The following RPAP3 variants were observed in gnomAD, a reference collection of about 807,000 sequenced individuals.
The protein encoded by RPAP3 is RNA polymerase II associated protein 3.
RPAP3 carries 58 observed loss-of-function variants against 88.8 expected under a neutral mutation model. The observed-to-expected ratio is 0.65, with a 90% CI of 0.53 to 0.81. The LOEUF is 0.81. Ranked by LOEUF, RPAP3 falls within the 40% of genes least tolerant of loss-of-function variation. The pLI is 0.00. For missense variants in RPAP3, 751 were observed against 764.3 expected, an observed-to-expected ratio of 0.98 and a Z score of 0.20; for synonymous variants, 255 against 259.9, an observed-to-expected ratio of 0.98 and a Z score of 0.18.
At chr12:47,682,560 G>C (rs558985696) in intron 9 of RPAP3, among the ~76,000 whole-genome samples, 1 of 151,700 alleles carries the variant, frequency 6.6e-6, no homozygotes, top group Non-Finnish European at 1.5e-5. Flanking sequence ...ACAATAATTC[G>C]GGGGGAAAAT....
rs553154689 is a variant in RPAP3, at chr12:47,702,673, G to A, written c.153+15C>T. 8 of 1,515,642 alleles carry A rather than the reference G, an allele frequency of 5.3e-6. No homozygotes were observed. The highest frequency in any genetic ancestry group is 2.4e-5 in the East Asian group (1 of 41,648). 93.9% of individuals were successfully genotyped at this position (1,515,642 alleles called of 1,614,324 possible). ...ATTAGTTTTGGTGGATCTTAATTAC[G>A]AATTCTTAATTTACCTCTTCAGGAA... is the stretch of plus-strand genomic sequence containing the variant. On this transcript the variant is annotated intron_variant, in intron 2 of 16. Coordinates refer to ENST00000005386, the MANE Select transcript of RPAP3 (RefSeq NM_024604.3).
intron 2 of RPAP3, among the ~76,000 whole-genome samples, chr12:47,702,418 G>A (rs1939672957): frequency 6.6e-6 from 1 of 151,954 alleles, no homozygotes; most frequent in Admixed American, 6.5e-5. Context: ...GCTGGGCGTG[G>A]TGGTGCACGC....
intron 16 of RPAP3, among the ~76,000 whole-genome samples, chr12:47,666,544 C>T (rs1363922938): frequency 6.6e-6 from 1 of 152,208 alleles, no homozygotes. Flanking sequence ...CGCCCAGTTA[C>T]ATGGTCCTGT....
rs149293092 is a variant in RPAP3, at chr12:47,670,311, C to T, written c.1322G>A (p.Gly441Asp). 1.9e-6 allele frequency: 3 copies of T among 1,609,270 alleles called. No individual in the cohort carries two copies. The highest frequency in any genetic ancestry group is 1.3e-5 in the African/African-American group (1 of 74,954). The change falls in exon 13 of 17, where the codon GGT becomes GAT. Residue 441 changes from glycine (G) to aspartate (D), a missense_variant. Coordinates refer to ENST00000005386, the MANE Select transcript of RPAP3 (RefSeq NM_024604.3). ...PLKKVIIEET[G>D]NLIQTIDVPD... The stretch of plus-strand genomic sequence containing the variant: ...CACATCAATAGTCTGTATCAAATTA[C>T]CAGTTTCTTCAATAATAACCTTCTT...
intron 1 of RPAP3, among the ~76,000 whole-genome samples, chr12:47,703,543 A>G (rs1358083771): frequency 6.6e-6 from 1 of 152,182 alleles, no homozygotes; most frequent in Non-Finnish European, 1.5e-5. Context: ...TCAGAGGTAC[A>G]TACAGATGCT....
At chr12:47,702,583 G>T (rs1183830847) in intron 2 of RPAP3, 105 bp downstream of exon 2, 2 of 943,480 alleles carry the variant, frequency 2.1e-6, no homozygotes, top group Non-Finnish European at 3.1e-6. Flanking sequence ...TGACAGTGAA[G>T]CAAGTCACTT....
At chr12:47,677,801 T>G (rs938185227) in intron 12 of RPAP3, among the ~76,000 whole-genome samples, 1 of 152,102 alleles carries the variant, frequency 6.6e-6, no homozygotes, top group Non-Finnish European at 1.5e-5. Context: ...GAATCAATAT[T>G]GTGAAAATGG....
intron 2 of RPAP3, among the ~76,000 whole-genome samples, chr12:47,701,912 T>A (rs1300588847): frequency 6.6e-6 from 1 of 152,214 alleles, no homozygotes; most frequent in Non-Finnish European, 1.5e-5. Flanking sequence ...CTTAGTACGA[T>A]GAACCAGCAG....
chr12:47,673,872 CAGAAAAGAACAGTA>C (rs1457455226), intron 12 of RPAP3, among the ~76,000 whole-genome samples: 1 of 151,808 alleles, frequency 6.6e-6, no homozygotes, highest in Non-Finnish European at 1.5e-5. Flanking sequence ...ATCCCAACTT[CAGAAAAGAACAGTA>C]ATAAAAATAC....
Position 47,685,196 on chromosome 12 carries a change from T to C in RPAP3, c.992+1584A>G, listed in dbSNP as rs548971708. ...GAGTTTGAGACCAGCCTGGCCAACA[T>C]GGCAAAACCCCATCTCTACTAAAAA... On this transcript the variant is annotated intron_variant, in intron 9 of 16. Coordinates refer to ENST00000005386, the MANE Select transcript of RPAP3 (RefSeq NM_024604.3). 5.3e-5 allele frequency among the ~76,000 whole-genome samples: 8 copies of C among 152,218 alleles called. No homozygotes were observed. In the East Asian group the frequency reaches 1.5e-3, roughly 29 times the overall value.
chr12:47,686,197 T>C (rs1592478839), intron 9 of RPAP3, among the ~76,000 whole-genome samples: 1 of 152,188 alleles, frequency 6.6e-6, no homozygotes, highest in Non-Finnish European at 1.5e-5. Flanking sequence ...CGGATATAAT[T>C]CTACTGATTG....
At chr12:47,691,105 G>T (rs1386432777) in intron 5 of RPAP3, among the ~76,000 whole-genome samples, 1 of 152,020 alleles carries the variant, frequency 6.6e-6, no homozygotes, top group Non-Finnish European at 1.5e-5. Flanking sequence ...GGTGGTGGTA[G>T]CATGTGATGC....
intron 3 of RPAP3, chr12:47,699,991 CT>C (rs34436877): frequency 0.047 from 5,579 of 119,286 alleles, 62 homozygotes; most frequent in Middle Eastern, 0.097. Flanking sequence ...TGGAAATGTT[CT>C]TTTTTTTTTT....
At chr12:47,696,821 G>A (rs184371419) in intron 4 of RPAP3, among the ~76,000 whole-genome samples, 17 of 152,240 alleles carry the variant, frequency 1.1e-4, no homozygotes, top group African/African-American at 4.1e-4. Context: ...TCAACTATTT[G>A]TATTATCCAT....
At chr12:47,697,486 A>T in intron 4 of RPAP3, 111 bp downstream of exon 4, 1 of 1,009,390 alleles carries the variant, frequency 9.9e-7, no homozygotes, top group Non-Finnish European at 1.4e-6. Flanking sequence ...AGCCAAAAAC[A>T]ACATAAAGTT....
chr12:47,679,506 T>G lies in RPAP3; in HGVS notation c.1274A>C (p.His425Pro). 1 of 1,597,848 alleles carries G rather than the reference T, an allele frequency of 6.3e-7. No individual in the cohort carries two copies. Among genetic ancestry groups the G allele is most frequent in the African/African-American group, 1.3e-5 (1 of 74,836 alleles). ...NVVKPIDNPPHPGSTKPLKKV... is the reference protein window; with the variant it reads ...NVVKPIDNPPPPGSTKPLKKV... ...TGCTTTACTTACAGTTGATCCAGGA[T>G]GCGGTGGATTATCAATGGGTTTTAC... Residue 425 changes from histidine to proline, a missense_variant, in exon 12 of 17, where the codon CAT becomes CCT. By Grantham distance (77) the His-to-Pro change is moderately conservative. Transcript: ENST00000005386.
At chr12:47,703,346 T>C (rs1410182078) in intron 1 of RPAP3, among the ~76,000 whole-genome samples, 2 of 152,142 alleles carry the variant, frequency 1.3e-5, no homozygotes, top group African/African-American at 2.4e-5. Context: ...CTACTGACAT[T>C]TTGGGCCAAA....
intron 12 of RPAP3, among the ~76,000 whole-genome samples, chr12:47,672,711 T>A (rs769925608): frequency 2.0e-5 from 3 of 152,218 alleles, no homozygotes; most frequent in Admixed American, 1.3e-4. Context: ...TTTGTTGATT[T>A]TGGATCATTT....
chr12:47,699,925 C>T (rs867561361), intron 3 of RPAP3: 3 of 151,156 alleles, frequency 2.0e-5, no homozygotes, highest in Non-Finnish European at 2.9e-5. Flanking sequence ...TGTAAGAGGT[C>T]AGAACAGTGG....
Sources: allele counts gnomAD v4.1 joint callset (sites outside exome capture counted in the v4.1 genomes callset), GRCh38; gene constraint gnomAD v4.1.1; transcripts MANE v1.5; gene names NCBI Gene and HGNC (gene_info 2026-07-23, HGNC 2026-07-21).